GNG12: variants seen among roughly 807,000 people sequenced by gnomAD.
GNG12 encodes the protein G protein subunit gamma 12.
For missense variants in GNG12, 69 were observed against 83.8 expected (o/e 0.82, Z 0.69); for synonymous variants, 28 against 29.7 (o/e 0.94, Z 0.19).
At chr1:67,760,172 CTG>C (rs1646593680) in intron 2 of GNG12, among the ~76,000 whole-genome samples, 1 of 152,186 alleles carries the variant, frequency 6.6e-6, no homozygotes, top group African/African-American at 2.4e-5. Context: ...AACCAAGGCC[CTG>C]TGACGTTCCA....
chr1:67,730,898 CT>C (rs1374179922), intron 2 of GNG12, among the ~76,000 whole-genome samples: 3 of 152,110 alleles, frequency 2.0e-5, no homozygotes, highest in South Asian at 2.1e-4. Context: ...TTCTTTACCC[CT>C]AAGGGGTCCA....
intron 2 of GNG12, among the ~76,000 whole-genome samples, chr1:67,776,504 A>G (rs1169978981): frequency 6.6e-6 from 1 of 152,190 alleles, no homozygotes; most frequent in African/African-American, 2.4e-5. Context: ...TCTGAGTCTC[A>G]GTGTCAAGAT....
chr1:67,802,257 C>A (rs959634478), intron 1 of GNG12, among the ~76,000 whole-genome samples: 1 of 152,080 alleles, frequency 6.6e-6, no homozygotes, highest in Admixed American at 6.6e-5. Context: ...AAGAAGGGCA[C>A]AGGGTGAAAG....
intron 2 of GNG12, among the ~76,000 whole-genome samples, chr1:67,752,557 T>C (rs1646544938): frequency 6.6e-6 from 1 of 152,214 alleles, no homozygotes; most frequent in Non-Finnish European, 1.5e-5. Context: ...ACATCCCTAA[T>C]GGATCAGCAC....
chr1:67,748,915 T>C (rs574465517), intron 2 of GNG12, among the ~76,000 whole-genome samples: 5 of 152,194 alleles, frequency 3.3e-5, no homozygotes, highest in Admixed American at 2.6e-4. Context: ...CCATAACACA[T>C]GTGAAGTCCA....
intron 1 of GNG12, among the ~76,000 whole-genome samples, chr1:67,797,585 T>C (rs1335781236): frequency 6.6e-6 from 1 of 152,180 alleles, no homozygotes; most frequent in African/African-American, 2.4e-5. Context: ...CAACTAGCAG[T>C]GTGCAGCTTA....
intron 1 of GNG12, among the ~76,000 whole-genome samples, chr1:67,801,343 T>C (rs906598434): frequency 2.0e-5 from 3 of 152,216 alleles, no homozygotes; most frequent in Non-Finnish European, 2.9e-5. Context: ...AATGAATATA[T>C]GAATGAGGCT....
intron 2 of GNG12, among the ~76,000 whole-genome samples, chr1:67,765,674 T>A (rs1007346832): frequency 6.6e-6 from 1 of 152,210 alleles, no homozygotes; most frequent in Admixed American, 6.5e-5. Context: ...GAAGCAGTAG[T>A]GAAATAACTA....
rs1215763396 is a variant in GNG12, at chr1:67,702,281, T to G, written c.*3170A>C. On this transcript the variant is annotated 3_prime_UTR_variant, in exon 4 of 4. Coordinates refer to ENST00000370982, the MANE Select transcript of GNG12 (RefSeq NM_018841.6). ...ATTTCACTGAGAAATGACTGGCATG[T>G]ACTACGATCATTTTGGGGGCCTATA... 1 of 152,250 alleles carries G rather than the reference T, an allele frequency of 6.6e-6. No individual in the cohort carries two copies. The highest frequency in any genetic ancestry group is 1.5e-5 in the Non-Finnish European group (1 of 68,042). The allele number at this position is 152,250 out of a possible 1,614,324, so 9.4% of individuals were successfully genotyped here.
intron 1 of GNG12, among the ~76,000 whole-genome samples, chr1:67,804,587 G>A (rs1416478551): frequency 6.6e-6 from 1 of 152,060 alleles, no homozygotes; most frequent in Admixed American, 6.5e-5. Flanking sequence ...TGAACAAATG[G>A]AAAAACCAAC....
At chr1:67,802,658 C>G (rs1646873248) in intron 1 of GNG12, among the ~76,000 whole-genome samples, 1 of 152,188 alleles carries the variant, frequency 6.6e-6, no homozygotes, top group African/African-American at 2.4e-5. Context: ...AGTAGTGTCC[C>G]AGGCTACCTC....
chr1:67,804,722 C>T (rs2100801358), intron 1 of GNG12, among the ~76,000 whole-genome samples: 1 of 151,916 alleles, frequency 6.6e-6, no homozygotes, highest in Admixed American at 6.6e-5. Context: ...CAAGCAGAAG[C>T]CTGCGTAGGA....
At chr1:67,759,657 A>G (rs541366094) in intron 2 of GNG12, among the ~76,000 whole-genome samples, 52 of 152,326 alleles carry the variant, frequency 3.4e-4, no homozygotes, top group Non-Finnish European at 6.9e-4. Flanking sequence ...GTAAGTGTGC[A>G]ATAAATACTA....
intron 2 of GNG12, among the ~76,000 whole-genome samples, chr1:67,724,385 A>C (rs1646374090): frequency 6.6e-6 from 1 of 152,204 alleles, no homozygotes; most frequent in Admixed American, 6.5e-5. Context: ...AAGAGCATGC[A>C]CTGTCAATTC....
At chr1:67,830,453 T>G (rs1222126776) in intron 1 of GNG12, among the ~76,000 whole-genome samples, 1 of 152,232 alleles carries the variant, frequency 6.6e-6, no homozygotes, top group South Asian at 2.1e-4. Flanking sequence ...TCTTATGGCT[T>G]ATCTGTTGGC....
At chr1:67,824,849 G>C (rs1329276449) in intron 1 of GNG12, among the ~76,000 whole-genome samples, 1 of 152,178 alleles carries the variant, frequency 6.6e-6, no homozygotes, top group East Asian at 1.9e-4. Context: ...TGAGTGTGGA[G>C]AGGGTAATTT....
rs966079673 is a variant in GNG12 at position 67,803,578 on chromosome 1, A to G, written c.-76-26071T>C. Among the ~76,000 whole-genome samples, 3 of 152,230 alleles carry G rather than the reference A, an allele frequency of 2.0e-5. No individual in the cohort carries two copies. In the East Asian group the frequency reaches 5.8e-4, roughly 29 times the overall value. ...TGGGTGAGCCTCCTGTGCCATATCT[A>G]TAATGAGTGTGTACAACATATCAGG... On this transcript the variant is annotated intron_variant, in intron 1 of 3. Coordinates refer to ENST00000370982, the MANE Select transcript of GNG12 (RefSeq NM_018841.6).
intron 2 of GNG12, among the ~76,000 whole-genome samples, chr1:67,730,784 T>A (rs1646414388): frequency 6.6e-6 from 1 of 152,214 alleles, no homozygotes; most frequent in African/African-American, 2.4e-5. Context: ...ATATTCCCAA[T>A]TAACTGTTGC....
chr1:67,798,683 C>T (rs985196637), intron 1 of GNG12, among the ~76,000 whole-genome samples: 17 of 152,028 alleles, frequency 1.1e-4, no homozygotes, highest in East Asian at 1.9e-4. Context: ...TGGCTGGGCA[C>T]GGTGACCCAC....
Sources: allele counts gnomAD v4.1 joint callset (sites outside exome capture counted in the v4.1 genomes callset), GRCh38; gene constraint gnomAD v4.1.1; transcripts MANE v1.5; gene names NCBI Gene and HGNC (gene_info 2026-07-23, HGNC 2026-07-21).